Variants in EIF3H observed in about 807,000 individuals in gnomAD.
The protein encoded by EIF3H is eIF-3-gamma.
A neutral mutation model predicts 44.2 loss-of-function variants in EIF3H; 26 were observed. That is an observed-to-expected ratio of 0.59 (90% confidence interval 0.43 to 0.82). The LOEUF (loss-of-function observed/expected upper bound fraction) is 0.82, where lower values mean the gene tolerates loss of function less well. EIF3H is among the 40% of genes least tolerant of loss of function. EIF3H has a pLI of 0.00. For synonymous variants in EIF3H, 166 were observed against 151.9 expected, an observed-to-expected ratio of 1.09 and a Z score of -0.68; for missense variants, 359 against 432.8, an observed-to-expected ratio of 0.83 and a Z score of 1.51.
At chr8:116,690,046 G>T (rs1221199802) in intron 2 of EIF3H, among the ~76,000 whole-genome samples, 1 of 152,068 alleles carries the variant, frequency 6.6e-6, no homozygotes, top group South Asian at 2.1e-4. Context: ...TCCACATTTA[G>T]AATTATTTCT....
intron 2 of EIF3H, 39 bp downstream of exon 2, chr8:116,725,977 T>A: frequency 6.3e-7 from 1 of 1,595,034 alleles, no homozygotes; most frequent in Non-Finnish European, 8.6e-7. Context: ...TATCCATTTG[T>A]ATGCACTGCA....
chr8:116,676,652 C>A (rs924670708), intron 2 of EIF3H, among the ~76,000 whole-genome samples: 1 of 152,212 alleles, frequency 6.6e-6, no homozygotes, highest in Admixed American at 6.5e-5. Flanking sequence ...AGACCACAAG[C>A]CTGAATTAGT....
rs1202109162 is a variant in EIF3H, at chr8:116,642,974, T to C, written c.*2032A>G. 2.0e-5 allele frequency: 3 copies of C among 152,228 alleles called. No individual in the cohort carries two copies. Among genetic ancestry groups the C allele is most frequent in the African/African-American group, 7.2e-5 (3 of 41,466 alleles). 9.4% of individuals were successfully genotyped at this position (152,228 alleles called of 1,614,324 possible). ...TTTAAGAATCACACCTTTAAAAACATATTGAATTGACTCAGTTAAATTACT... is the reference window on the plus strand; with the variant it reads ...TTTAAGAATCACACCTTTAAAAACACATTGAATTGACTCAGTTAAATTACT... On this transcript the variant is annotated 3_prime_UTR_variant, in exon 8 of 8. Coordinates refer to ENST00000521861, the MANE Select transcript of EIF3H (RefSeq NM_003756.3).
intron 2 of EIF3H, among the ~76,000 whole-genome samples, chr8:116,675,377 T>A (rs58836328): frequency 0.17 from 25,939 of 152,198 alleles, 3,282 homozygotes; most frequent in African/African-American, 0.36. Context: ...CCACTAATGA[T>A]GACATTTTGG....
intron 1 of EIF3H, among the ~76,000 whole-genome samples, chr8:116,762,511 A>G (rs143854443): frequency 1.3e-3 from 205 of 152,300 alleles, no homozygotes; most frequent in African/African-American, 4.8e-3. Context: ...GAGATATAAA[A>G]CACAAAAGTG....
At chr8:116,687,442 C>T (rs576459491) in intron 2 of EIF3H, among the ~76,000 whole-genome samples, 31 of 152,230 alleles carry the variant, frequency 2.0e-4, no homozygotes, top group African/African-American at 6.5e-4. Flanking sequence ...AAGCAAATCA[C>T]AAATTGATGG....
At chr8:116,759,825 G>C (rs1394970245), upstream of EIF3H, among the ~76,000 whole-genome samples, 1 of 152,032 alleles carries the variant, frequency 6.6e-6, no homozygotes, top group Non-Finnish European at 1.5e-5. Context: ...AACCTCCCCA[G>C]GCTCAGGTGA....
intron 1 of EIF3H, among the ~76,000 whole-genome samples, chr8:116,755,097 CCTTAACTACTAAATA>C (rs1312604536): frequency 2.5e-4 from 38 of 152,324 alleles, no homozygotes; most frequent in African/African-American, 8.7e-4. Context: ...AGTTCATGAA[CCTTAACTACTAAATA>C]CATTTAAGGC....
At chr8:116,666,369 C>T (rs1813665841) in intron 2 of EIF3H, among the ~76,000 whole-genome samples, 1 of 152,036 alleles carries the variant, frequency 6.6e-6, no homozygotes, top group South Asian at 2.1e-4. Context: ...TTTACTGTGT[C>T]TCAAGAAGTC....
At chr8:116,677,273 T>G (rs1237546655) in intron 2 of EIF3H, among the ~76,000 whole-genome samples, 1 of 152,220 alleles carries the variant, frequency 6.6e-6, no homozygotes, top group East Asian at 1.9e-4. Flanking sequence ...CCACTGGGCT[T>G]ATCCAAATAA....
At chr8:116,680,938 T>C (rs560120500) in intron 2 of EIF3H, among the ~76,000 whole-genome samples, 4 of 150,704 alleles carry the variant, frequency 2.7e-5, no homozygotes, top group Non-Finnish European at 5.9e-5. Context: ...GCTGACAATA[T>C]TGGGATGAGT....
At chr8:116,727,498 T>C (rs952671424) in intron 1 of EIF3H, among the ~76,000 whole-genome samples, 2 of 152,226 alleles carry the variant, frequency 1.3e-5, no homozygotes, top group Non-Finnish European at 2.9e-5. Context: ...CTGTATCTTA[T>C]CAGTGGTCCC....
chr8:116,671,841 G>A (rs1813761962), intron 2 of EIF3H, among the ~76,000 whole-genome samples: 1 of 152,158 alleles, frequency 6.6e-6, no homozygotes, highest in South Asian at 2.1e-4. Context: ...GAAGTCAAAG[G>A]CCCAGCTTCA....
intron 2 of EIF3H, among the ~76,000 whole-genome samples, chr8:116,717,206 C>T (rs1417418510): frequency 3.9e-5 from 6 of 151,952 alleles, no homozygotes; most frequent in Admixed American, 3.9e-4. Flanking sequence ...GGTGAAAAAC[C>T]TCTACGAGGA....
intron 2 of EIF3H, among the ~76,000 whole-genome samples, chr8:116,666,607 T>C (rs575168153): frequency 6.6e-6 from 1 of 152,144 alleles, no homozygotes; most frequent in South Asian, 2.1e-4. Context: ...ATTTGAGATG[T>C]GTTTATACAA....
intron 2 of EIF3H, among the ~76,000 whole-genome samples, chr8:116,721,846 C>T (rs1213994884): frequency 6.6e-6 from 1 of 152,194 alleles, no homozygotes; most frequent in East Asian, 1.9e-4. Flanking sequence ...TGCCTGTACC[C>T]CCATCATATC....
At chr8:116,734,066 C>T (rs1478732936) in intron 1 of EIF3H, among the ~76,000 whole-genome samples, 2 of 151,980 alleles carry the variant, frequency 1.3e-5, no homozygotes, top group African/African-American at 2.4e-5. Flanking sequence ...ATTAAACAGT[C>T]GTGAAAGAAT....
intron 2 of EIF3H, among the ~76,000 whole-genome samples, chr8:116,725,775 A>C (rs1228687431): frequency 2.0e-5 from 3 of 152,178 alleles, no homozygotes; most frequent in Non-Finnish European, 4.4e-5. Flanking sequence ...CACAGTTCCT[A>C]TCCAATCTAT....
intron 2 of EIF3H, among the ~76,000 whole-genome samples, chr8:116,673,263 C>T (rs1813787642): frequency 6.6e-6 from 1 of 152,118 alleles, no homozygotes; most frequent in Admixed American, 6.5e-5. Context: ...AAAATAGAGA[C>T]TCCAAAATTA....
Sources: gnomAD v4.1 joint callset for allele counts (sites outside exome capture counted in the v4.1 genomes callset) on GRCh38, gnomAD v4.1.1 for gene constraint, MANE v1.5 for transcripts, NCBI Gene and HGNC (gene_info 2026-07-23, HGNC 2026-07-21) for gene names.